Variants in SMC3 observed in about 807,000 individuals in gnomAD.
The protein encoded by SMC3 is structural maintenance of chromosomes protein 3.
Under a neutral mutation model 171.8 loss-of-function variants are expected in SMC3, and 20 were observed. The observed-to-expected ratio is 0.12, with a 90% CI of 0.08 to 0.17. The LOEUF is 0.17. SMC3 is among the 10% of genes least tolerant of loss of function. The pLI, the probability that SMC3 is intolerant of heterozygous loss-of-function variation, is 1.00. For missense variants in SMC3, 543 were observed against 1,420.4 expected (o/e 0.38, Z 9.93); for synonymous variants, 464 against 451.1 (o/e 1.03, Z -0.36).
At position 110,567,711 on chromosome 10, in the gene SMC3, C is replaced by T; in HGVS notation, c.-106C>T. On this transcript the variant is annotated 5_prime_UTR_variant, in exon 1 of 29. Coordinates refer to ENST00000361804, the MANE Select transcript of SMC3 (RefSeq NM_005445.4). ...CGCCATTTTGTTTGGCTGAGGGGAGCGAGCGGCGCTTTGGGGGAGGGGTCG... is the reference window on the plus strand; with the variant it reads ...CGCCATTTTGTTTGGCTGAGGGGAGTGAGCGGCGCTTTGGGGGAGGGGTCG... 1.4e-6 allele frequency: 2 copies of T among 1,386,640 alleles called. No individual in the cohort carries two copies. Among genetic ancestry groups the T allele is most frequent in the Non-Finnish European group, 1.0e-6 (1 of 983,384 alleles). 85.9% of individuals were successfully genotyped at this position (1,386,640 alleles called of 1,614,324 possible). A position where few individuals can be genotyped will look rare whatever the true frequency, so the allele number is the denominator to read the frequency against.
intron 18 of SMC3, among the ~76,000 whole-genome samples, chr10:110,595,986 C>A (rs975744732): frequency 7.7e-6 from 1 of 129,304 alleles, no homozygotes; most frequent in Non-Finnish European, 1.6e-5. Context: ...CTCTGTAATC[C>A]TAGATACTTA....
chr10:110,595,619 C>G (rs1460495917), intron 18 of SMC3, among the ~76,000 whole-genome samples: 3 of 152,162 alleles, frequency 2.0e-5, no homozygotes, highest in African/African-American at 7.2e-5. Flanking sequence ...AGTTGTTACA[C>G]TGGGGGGTTT....
chr10:110,589,206 G>A (rs915807130), intron 13 of SMC3, among the ~76,000 whole-genome samples: 3 of 151,804 alleles, frequency 2.0e-5, no homozygotes, highest in South Asian at 2.1e-4. Flanking sequence ...TGGCTAACAC[G>A]GTGAAACTCC....
chr10:110,580,475 G>T (rs1861015152), intron 7 of SMC3, among the ~76,000 whole-genome samples: 1 of 152,156 alleles, frequency 6.6e-6, no homozygotes, highest in African/African-American at 2.4e-5. Context: ...CGTAACAGTT[G>T]TATTTGGATT....
chr10:110,592,100 C>A (rs1343709544), intron 17 of SMC3, among the ~76,000 whole-genome samples: 1 of 151,982 alleles, frequency 6.6e-6, no homozygotes, highest in Non-Finnish European at 1.5e-5. Flanking sequence ...CCTGTCTCTA[C>A]TAAAAATACA....
At chr10:110,594,171 A>T (rs897357299) in intron 18 of SMC3, among the ~76,000 whole-genome samples, 1 of 149,580 alleles carries the variant, frequency 6.7e-6, no homozygotes. Flanking sequence ...AAGCATATGG[A>T]TCCTTCACAA....
chr10:110,581,374 A>C (rs1211650346), intron 8 of SMC3, among the ~76,000 whole-genome samples: 1 of 151,968 alleles, frequency 6.6e-6, no homozygotes, highest in African/African-American at 2.4e-5. Flanking sequence ...GCCCACCACC[A>C]TACTCAGTTA....
chr10:110,570,246 A>T (rs186919695), intron 2 of SMC3, among the ~76,000 whole-genome samples: 9 of 152,282 alleles, frequency 5.9e-5, no homozygotes, highest in African/African-American at 1.9e-4. Flanking sequence ...TTAAGGTGTC[A>T]GTTGTTTCAG....
At chr10:110,596,647 T>TAAG in intron 19 of SMC3, 97 bp downstream of exon 19, 1 of 1,172,398 alleles carries the variant, frequency 8.5e-7, no homozygotes, top group Non-Finnish European at 1.2e-6. Flanking sequence ...ATATTAAAAA[T>TAAG]TTCTTGTGTT....
At position 110,601,075 on chromosome 10, in the gene SMC3, A is replaced by G. The variant is rs768482776; in HGVS notation, c.2589A>G (p.Thr863=). The change falls in exon 23 of 29, where the codon ACA becomes ACG. Residue 863 remains threonine (T), a synonymous_variant. Transcript: ENST00000361804. ...TEGGTVLTAT[T]SELEAINKRV... ...GGGGTACTGTTCTCACAGCCACAACATCAGAACTTGAAGCCATCAATAAAA... is the reference window on the plus strand; with the variant it reads ...GGGGTACTGTTCTCACAGCCACAACGTCAGAACTTGAAGCCATCAATAAAA... 40 of 1,613,648 alleles carry G rather than the reference A, an allele frequency of 2.5e-5. No individual in the cohort carries two copies. The highest frequency in any genetic ancestry group is 3.4e-5 in the Non-Finnish European group (40 of 1,179,762).
At chr10:110,597,046 A>AGGCAGGAGGATCACTTGAGCCTGG (rs1207031810) in intron 19 of SMC3, among the ~76,000 whole-genome samples, 8 of 151,758 alleles carry the variant, frequency 5.3e-5, no homozygotes, top group Non-Finnish European at 8.8e-5. Flanking sequence ...TGGGAGGCTG[A>AGGCAGGAGGATCACTTGAGCCTGG]GGCAGGAGGA....
intron 17 of SMC3, 142 bp downstream of exon 17, chr10:110,591,274 T>C: frequency 2.4e-6 from 2 of 846,098 alleles, no homozygotes; most frequent in Non-Finnish European, 3.7e-6. Flanking sequence ...CCATGGACCT[T>C]AGTGCTGAGT....
chr10:110,591,918 C>T (rs1420762418), intron 17 of SMC3, among the ~76,000 whole-genome samples: 1 of 151,924 alleles, frequency 6.6e-6, no homozygotes, highest in African/African-American at 2.4e-5. Context: ...ATGAATGGAA[C>T]GAGACACAAA....
At chr10:110,596,194 C>A (rs1402571918) in intron 18 of SMC3, among the ~76,000 whole-genome samples, 1 of 145,302 alleles carries the variant, frequency 6.9e-6, no homozygotes, top group Non-Finnish European at 1.5e-5. Flanking sequence ...TGCACTCCAG[C>A]CTGAGCAACA....
chr10:110,567,979 C>T lies in SMC3; in HGVS notation c.15+148C>T, dbSNP rs546650710. 5.8e-5 allele frequency: 58 copies of T among 999,756 alleles called. 1 individual carries two copies. In the African/African-American group the frequency reaches 8.2e-4, roughly 14 times the overall value. 61.9% of individuals were successfully genotyped at this position (999,756 alleles called of 1,614,324 possible). A position where few individuals can be genotyped will look rare whatever the true frequency, so the allele number is the denominator to read the frequency against. On this transcript the variant is annotated intron_variant, in intron 1 of 28. Coordinates refer to ENST00000361804, the MANE Select transcript of SMC3 (RefSeq NM_005445.4). Reference sequence around the variant, plus strand: ...GGGACTGTGGGGGAGGAGGGAGACCCGGGTCCCGCTAGTGCCCCGGCTGCG... The same window carrying T: ...GGGACTGTGGGGGAGGAGGGAGACCTGGGTCCCGCTAGTGCCCCGGCTGCG...
chr10:110,572,967 C>G (rs2134712923), intron 2 of SMC3, among the ~76,000 whole-genome samples: 1 of 152,226 alleles, frequency 6.6e-6, no homozygotes, highest in East Asian at 1.9e-4. Context: ...CAAGCTGGCT[C>G]CTGTGTCTGT....
intron 2 of SMC3, among the ~76,000 whole-genome samples, chr10:110,570,853 T>A (rs1972374): frequency 0.74 from 112,143 of 152,102 alleles, 42,574 homozygotes; most frequent in Non-Finnish European, 0.84. Context: ...CAGTACTGAT[T>A]AAACATATTT....
At position 110,567,790 on chromosome 10, in the gene SMC3, C is replaced by T. The variant is rs1376178039; in HGVS notation, c.-27C>T. 3.7e-6 allele frequency: 6 copies of T among 1,613,260 alleles called. No individual in the cohort carries two copies. Among genetic ancestry groups the T allele is most frequent in the African/African-American group, 1.3e-5 (1 of 74,930 alleles). Reference sequence around the variant, plus strand: ...GTGCGGTTGCTGCTCCGGGGCAGGTCTCCTTCCAGGCCAGGGGCCCGGAAT... The same window carrying T: ...GTGCGGTTGCTGCTCCGGGGCAGGTTTCCTTCCAGGCCAGGGGCCCGGAAT... On this transcript the variant is annotated 5_prime_UTR_variant, in exon 1 of 29. Transcript: ENST00000361804.
chr10:110,600,852 AGTAATT>A (rs1479962195), intron 22 of SMC3, among the ~76,000 whole-genome samples, 164 bp from the exon 23 acceptor site: 1 of 152,200 alleles, frequency 6.6e-6, no homozygotes, highest in African/African-American at 2.4e-5. Context: ...GAAATTTTCT[AGTAATT>A]GTGTCTTTTT....
Sources: allele counts gnomAD v4.1 joint callset (sites outside exome capture counted in the v4.1 genomes callset), GRCh38; gene constraint gnomAD v4.1.1; transcripts MANE v1.5; gene names NCBI Gene and HGNC (gene_info 2026-07-23, HGNC 2026-07-21).